Variants in EOGT observed in about 807,000 individuals in gnomAD.
EOGT encodes EGF domain specific O-linked N-acetylglucosamine transferase, also known as EGF domain-specific O-linked N-acetylglucosamine transferase.
Under a neutral mutation model 70.5 loss-of-function variants are expected in EOGT, and 55 were observed. The ratio of observed to expected loss-of-function variants is 0.78; its 90% CI spans 0.63 to 0.98. EOGT has a LOEUF of 0.98. Ranked by LOEUF, EOGT falls within the 50% of genes least tolerant of loss-of-function variation. The pLI is 0.00. For missense variants in EOGT, 703 were observed against 641.9 expected (o/e 1.10, Z -1.03); for synonymous variants, 246 against 217.1 (o/e 1.13, Z -1.17).
At chr3:68,991,280 T>C (rs1291105241) in intron 10 of EOGT, among the ~76,000 whole-genome samples, 1 of 152,220 alleles carries the variant, frequency 6.6e-6, no homozygotes, top group East Asian at 1.9e-4. Flanking sequence ...CAAGATGACA[T>C]AAAATTTCCT....
intron 8 of EOGT, among the ~76,000 whole-genome samples, chr3:69,002,369 C>A (rs956400378): frequency 6.6e-6 from 1 of 152,096 alleles, no homozygotes; most frequent in Non-Finnish European, 1.5e-5. Context: ...TATAAATATA[C>A]CCTAGGGTAC....
Position 68,997,996 on chromosome 3 carries a change from C to A in EOGT, c.831+15G>T. 1 of 1,406,526 alleles carries A rather than the reference C, an allele frequency of 7.1e-7. No individual in the cohort carries two copies. Among genetic ancestry groups the A allele is most frequent in the Non-Finnish European group, 9.9e-7 (1 of 1,015,204 alleles). The allele number at this position is 1,406,526 out of a possible 1,614,324, so 87.1% of individuals were successfully genotyped here. A position where few individuals can be genotyped will look rare whatever the true frequency, so the allele number is the denominator to read the frequency against. The stretch of plus-strand genomic sequence containing the variant: ...GGAAAGACAGTACTGAAGCGGAGAG[C>A]ACATTCTTACTTACGGTGTCCCACA... On this transcript the variant is annotated intron_variant, in intron 10 of 17. Transcript: ENST00000383701.
chr3:68,993,671 A>G (rs1052519536), intron 10 of EOGT, among the ~76,000 whole-genome samples: 1 of 152,064 alleles, frequency 6.6e-6, no homozygotes, highest in African/African-American at 2.4e-5. Flanking sequence ...ACTGGTACCA[A>G]TTTACTGTAT....
chr3:68,996,865 C>G (rs557753582), intron 10 of EOGT, among the ~76,000 whole-genome samples: 1 of 152,226 alleles, frequency 6.6e-6, no homozygotes, highest in Admixed American at 6.5e-5. Context: ...CCAGTTTAGA[C>G]AGCCTCTCTC....
At chr3:69,004,263 G>A (rs2091378993) in intron 8 of EOGT, 115 bp downstream of exon 8, 2 of 760,220 alleles carry the variant, frequency 2.6e-6, no homozygotes, top group Admixed American at 2.7e-5. Flanking sequence ...AGAAGCTCAT[G>A]CCAAATTATG....
intron 7 of EOGT, among the ~76,000 whole-genome samples, chr3:69,004,703 G>A (rs996381252): frequency 1.3e-5 from 2 of 152,002 alleles, no homozygotes; most frequent in Non-Finnish European, 2.9e-5. Context: ...CTCATGGCCT[G>A]TCTGAGTCAT....
In EOGT at chr3:68,975,528, C is replaced by T. The variant is rs1337080515; in HGVS notation, c.*2090G>A. 5 of 141,658 alleles carry T rather than the reference C, an allele frequency of 3.5e-5. No individual in the cohort carries two copies. Among genetic ancestry groups the T allele is most frequent in the South Asian group, 4.6e-4 (2 of 4,328 alleles). 8.8% of individuals were successfully genotyped at this position (141,658 alleles called of 1,614,324 possible). A position where few individuals can be genotyped will look rare whatever the true frequency, so the allele number is the denominator to read the frequency against. On this transcript the variant is annotated 3_prime_UTR_variant, in exon 18 of 18. Coordinates refer to ENST00000383701, the MANE Select transcript of EOGT (RefSeq NM_001278689.2). ...TCTTAAAATGAGGTAAGAAGACAAA[C>T]GGTGAAACTTTTTTCAGATCATTTT... is the stretch of plus-strand genomic sequence containing the variant.
chr3:69,006,208 C>T (rs2091436562), intron 6 of EOGT, among the ~76,000 whole-genome samples: 1 of 152,100 alleles, frequency 6.6e-6, no homozygotes, highest in African/African-American at 2.4e-5. Flanking sequence ...ATTATCTTGC[C>T]CTTTCCATGT....
Position 68,988,978 on chromosome 3 carries a change from T to G in EOGT, c.871A>C (p.Asn291His). Residue 291 changes from asparagine (N) to histidine (H), a missense_variant, in exon 11 of 18, where the codon AAT becomes CAT. Physicochemically the swap from Asn to His is moderately conservative, Grantham distance 68. Transcript: ENST00000383701. ...GYGDLFSDTWNAFTDYDVIHL... is the reference protein window; with the variant it reads ...GYGDLFSDTWHAFTDYDVIHL... ...ATAACGTCATAATCAGTAAATGCAT[T>G]CCATGTGTCGGAGAATAGGTCACCA... 6.5e-7 allele frequency: 1 copy of G among 1,532,834 alleles called. No homozygotes were observed. The highest frequency in any genetic ancestry group is 8.7e-7 in the Non-Finnish European group (1 of 1,145,258). 95.0% of individuals were successfully genotyped at this position (1,532,834 alleles called of 1,614,324 possible).
chr3:69,009,251 G>C (rs148032407), intron 4 of EOGT, among the ~76,000 whole-genome samples: 17 of 152,352 alleles, frequency 1.1e-4, no homozygotes, highest in African/African-American at 2.4e-4. Flanking sequence ...TGTGGAGACA[G>C]AGGCTGAGGT....
At chr3:69,004,969 G>A (rs1362614141) in intron 7 of EOGT, among the ~76,000 whole-genome samples, 171 bp downstream of exon 7, 1 of 151,708 alleles carries the variant, frequency 6.6e-6, no homozygotes, top group African/African-American at 2.4e-5. Context: ...GGCTCAAGTG[G>A]GAGGATCACT....
intron 5 of EOGT, 76 bp downstream of exon 5, chr3:69,008,348 TCTAG>T: frequency 2.0e-6 from 2 of 990,778 alleles, no homozygotes; most frequent in Non-Finnish European, 3.1e-6. Context: ...ACCAAAAGAA[TCTAG>T]CTGGAAATTA....
intron 6 of EOGT, among the ~76,000 whole-genome samples, chr3:69,006,983 G>A (rs529212472): frequency 6.6e-6 from 1 of 152,298 alleles, no homozygotes; most frequent in Admixed American, 6.5e-5. Flanking sequence ...ATAACACACA[G>A]AAAAGCTTTC....
At chr3:69,002,663 T>TC (rs2091328661) in intron 8 of EOGT, among the ~76,000 whole-genome samples, 1 of 150,092 alleles carries the variant, frequency 6.7e-6, no homozygotes, top group South Asian at 2.1e-4. Flanking sequence ...ATGAATTTCT[T>TC]TTTTTTTTTG....
chr3:69,004,577 T>A, intron 7 of EOGT, 95 bp from the exon 8 acceptor site: 1 of 774,224 alleles, frequency 1.3e-6, no homozygotes, highest in Non-Finnish European at 2.2e-6. Flanking sequence ...ATTTCCAAAC[T>A]GAATTTTTTA....
chr3:69,002,765 C>A (rs1454644925), intron 8 of EOGT, among the ~76,000 whole-genome samples: 1 of 152,102 alleles, frequency 6.6e-6, no homozygotes, highest in Non-Finnish European at 1.5e-5. Flanking sequence ...AGCAGTCCTC[C>A]CGCCTCAGCC....
rs555092404 is a variant in EOGT, at chr3:69,003,109, CCT to C, written c.620+1267_620+1268del. On this transcript the variant is annotated intron_variant, in intron 8 of 17. Coordinates refer to ENST00000383701, the MANE Select transcript of EOGT (RefSeq NM_001278689.2). ...TGGTCGCCCTCCCCGTCCTCCTCCCCCTCTCTCTCCCTACCTACATACCCGCA... is the reference window on the plus strand; with the variant it reads ...TGGTCGCCCTCCCCGTCCTCCTCCCCCTCTCTCCCTACCTACATACCCGCA... 4.2e-3 allele frequency among the ~76,000 whole-genome samples: 632 copies of C among 152,198 alleles called. 1 individual carries two copies. Among genetic ancestry groups the C allele is most frequent in the Non-Finnish European group, 7.1e-3 (486 of 68,018 alleles).
Position 68,976,701 on chromosome 3 carries a change from A to T in EOGT, c.*917T>A, listed in dbSNP as rs1404560950. The T allele has an allele frequency of 6.8e-6, 1 of 147,312 alleles. No homozygotes were observed. Among genetic ancestry groups the T allele is most frequent in the Non-Finnish European group, 1.5e-5 (1 of 67,264 alleles). The allele number at this position is 147,312 out of a possible 1,614,324, so 9.1% of individuals were successfully genotyped here. ...TTTGCATGTTTTCCTTTCCTACCAC[A>T]AACAGTGTTATAACCAGATTATGGC... On this transcript the variant is annotated 3_prime_UTR_variant, in exon 18 of 18. Coordinates refer to ENST00000383701, the MANE Select transcript of EOGT (RefSeq NM_001278689.2).
chr3:68,978,734 G>C (rs879620880), intron 16 of EOGT, among the ~76,000 whole-genome samples: 7 of 152,156 alleles, frequency 4.6e-5, no homozygotes, highest in Non-Finnish European at 8.8e-5. Context: ...TTAAATGTAT[G>C]AAAGAGGCAA....
Sources: allele counts gnomAD v4.1 joint callset (sites outside exome capture counted in the v4.1 genomes callset), GRCh38; gene constraint gnomAD v4.1.1; transcripts MANE v1.5; gene names NCBI Gene and HGNC (gene_info 2026-07-23, HGNC 2026-07-21).